KDM3A: variants seen among roughly 807,000 people sequenced by gnomAD.
KDM3A encodes the protein lysine demethylase 3A, also known as lysine-specific demethylase 3A.
In KDM3A, 60 loss-of-function variants were observed where a neutral mutation model predicts 158.0. The observed-to-expected ratio is 0.38, with a 90% CI of 0.31 to 0.47. The LOEUF (loss-of-function observed/expected upper bound fraction) is 0.47, where lower values mean the gene tolerates loss of function less well. KDM3A is among the 20% of genes least tolerant of loss of function. KDM3A has a pLI of 0.99. For missense variants in KDM3A, 1,319 were observed against 1,574.3 expected, an observed-to-expected ratio of 0.84 and a Z score of 2.74; for synonymous variants, 608 against 549.3, an observed-to-expected ratio of 1.11 and a Z score of -1.49.
intron 4 of KDM3A, among the ~76,000 whole-genome samples, chr2:86,453,694 CAAA>C (rs1672566220): frequency 6.6e-6 from 1 of 152,012 alleles, no homozygotes; most frequent in South Asian, 2.1e-4. Flanking sequence ...GAGAAAAAAA[CAAA>C]AACTAACCCA....
At chr2:86,443,085 A>T (rs1682806159) in intron 2 of KDM3A, 1 of 152,204 alleles carries the variant, frequency 6.6e-6, no homozygotes, top group South Asian at 2.1e-4. Flanking sequence ...AAGCCATTGT[A>T]CCAACAAAGA....
At chr2:86,454,104 A>G (rs1482353672) in intron 4 of KDM3A, among the ~76,000 whole-genome samples, 3 of 152,220 alleles carry the variant, frequency 2.0e-5, no homozygotes, top group African/African-American at 7.2e-5. Flanking sequence ...TAGGCTATTC[A>G]TTCAGATTTT....
At chr2:86,455,273 G>T in intron 5 of KDM3A, 86 bp downstream of exon 5, 4 of 755,420 alleles carry the variant, frequency 5.3e-6, no homozygotes, top group Non-Finnish European at 8.7e-6. Flanking sequence ...TCATTCATTT[G>T]CTCATGGAAA....
In KDM3A at chr2:86,442,222, A is replaced by C; in HGVS notation, c.175A>C (p.Lys59Gln). The C allele has an allele frequency of 1.2e-6, 2 of 1,608,126 alleles. No individual in the cohort carries two copies. The highest frequency in any genetic ancestry group is 1.7e-6 in the Non-Finnish European group (2 of 1,176,336). ...TGTTTCCCACACCGACGTTACCAAG[A>C]AGGATCTGAAGGTACAGGCGGCTCC... is the stretch of plus-strand genomic sequence containing the variant. Reference protein sequence around the residue: ...RAVSHTDVTKKDLKVCVEFDG... With the variant: ...RAVSHTDVTKQDLKVCVEFDG... The change falls in exon 2 of 26, where the codon AAG becomes CAG. Residue 59 changes from lysine (K) to glutamine (Q), a missense_variant. Physicochemically the swap from Lys to Gln is moderately conservative, Grantham distance 53. Coordinates refer to ENST00000312912, the MANE Select transcript of KDM3A (RefSeq NM_018433.6).
At chr2:86,443,560 T>A (rs547246182) in intron 2 of KDM3A, 1 of 152,346 alleles carries the variant, frequency 6.6e-6, no homozygotes, top group South Asian at 2.1e-4. Flanking sequence ...GCCCCCATTT[T>A]ATGGATGAAA....
chr2:86,461,670 G>A (rs1672936620), intron 8 of KDM3A, among the ~76,000 whole-genome samples: 1 of 152,160 alleles, frequency 6.6e-6, no homozygotes, highest in African/African-American at 2.4e-5. Flanking sequence ...AAAGAGTAAG[G>A]GACGGCTTTT....
intron 15 of KDM3A, chr2:86,479,922 G>T: frequency 1.9e-6 from 1 of 515,122 alleles, no homozygotes; most frequent in South Asian, 2.3e-5. Context: ...TACCAGCAGG[G>T]GCTGGTGAAA....
intron 4 of KDM3A, among the ~76,000 whole-genome samples, chr2:86,453,151 GT>G (rs113795069): frequency 0.13 from 20,155 of 152,168 alleles, 1,455 homozygotes; most frequent in Middle Eastern, 0.16. Flanking sequence ...AAATTAGTAA[GT>G]TTATATTTGT....
At chr2:86,448,740 G>A (rs1683050032) in intron 2 of KDM3A, among the ~76,000 whole-genome samples, 1 of 152,144 alleles carries the variant, frequency 6.6e-6, no homozygotes, top group African/African-American at 2.4e-5. Context: ...GATGATAGAT[G>A]TATTAACTAA....
In KDM3A at chr2:86,470,211, C is replaced by G; in HGVS notation, c.1527C>G (p.Ser509=). Reference sequence around the variant, plus strand: ...AATCTTTTGTTTTCCTAGCCCCATCCAGGAAGTCGGTTTTGACAGACCCAG... The same window carrying G: ...AATCTTTTGTTTTCCTAGCCCCATCGAGGAAGTCGGTTTTGACAGACCCAG... The part of the protein sequence containing the change: ...RSNNKIQNAP[S]RKSVLTDPAK... Residue 509 remains serine (S), a synonymous_variant, in exon 11 of 26, where the codon TCC becomes TCG. Coordinates refer to ENST00000312912, the MANE Select transcript of KDM3A (RefSeq NM_018433.6). 2 of 1,613,912 alleles carry G rather than the reference C, an allele frequency of 1.2e-6. No individual in the cohort carries two copies. Among genetic ancestry groups the G allele is most frequent in the Non-Finnish European group, 1.7e-6 (2 of 1,179,916 alleles).
chr2:86,455,953 CAAAAAA>C (rs574299612), intron 5 of KDM3A, among the ~76,000 whole-genome samples: 3 of 56,192 alleles, frequency 5.3e-5, no homozygotes, highest in African/African-American at 2.0e-4. Context: ...GACCCTGTCT[CAAAAAA>C]AAAAAAAAAA....
At chr2:86,466,947 C>G in intron 10 of KDM3A, 64 bp downstream of exon 10, 1 of 1,277,820 alleles carries the variant, frequency 7.8e-7, no homozygotes, top group Non-Finnish European at 1.1e-6. Context: ...ATATCTCTTT[C>G]TTGTCCTATG....
intron 4 of KDM3A, among the ~76,000 whole-genome samples, chr2:86,453,044 T>C (rs997132708): frequency 6.6e-6 from 1 of 152,196 alleles, no homozygotes; most frequent in Non-Finnish European, 1.5e-5. Context: ...TTTTTATTCT[T>C]AGTGCTGTTT....
chr2:86,474,613 G>A (rs567133463), intron 11 of KDM3A, among the ~76,000 whole-genome samples, 163 bp from the exon 12 acceptor site: 1 of 150,434 alleles, frequency 6.6e-6, no homozygotes, highest in Non-Finnish European at 1.5e-5. Context: ...GCAGTGAGCC[G>A]AGATGGCACC....
At chr2:86,466,925 T>C (rs1673180227) in intron 10 of KDM3A, 42 bp downstream of exon 10, 2 of 1,422,572 alleles carry the variant, frequency 1.4e-6, no homozygotes, top group African/African-American at 1.4e-5. Flanking sequence ...AGGTAAGAAA[T>C]GGTAGATATA....
chr2:86,492,598 A>C lies in KDM3A; in HGVS notation c.*479A>C, dbSNP rs1026622694. 1 of 153,246 alleles carries C rather than the reference A, an allele frequency of 6.5e-6. No individual in the cohort carries two copies. The highest frequency in any genetic ancestry group is 2.4e-5 in the African/African-American group (1 of 41,478). The allele number at this position is 153,246 out of a possible 1,614,324, so 9.5% of individuals were successfully genotyped here. ...CATAGGACTGGCATTATATAGCAGAAATCAACTACTGTACAATTTCTTGGG... is the reference window on the plus strand; with the variant it reads ...CATAGGACTGGCATTATATAGCAGACATCAACTACTGTACAATTTCTTGGG... On this transcript the variant is annotated 3_prime_UTR_variant, in exon 26 of 26. Coordinates refer to ENST00000312912, the MANE Select transcript of KDM3A (RefSeq NM_018433.6).
chr2:86,464,483 GTCT>G (rs1673054061), intron 9 of KDM3A, among the ~76,000 whole-genome samples: 1 of 152,200 alleles, frequency 6.6e-6, no homozygotes, highest in African/African-American at 2.4e-5. Flanking sequence ...TAAAACAGGT[GTCT>G]TCTTTTAAGG....
intron 1 of KDM3A, 111 bp downstream of exon 1, chr2:86,441,555 CG>C (rs1459908081): frequency 6.6e-6 from 1 of 151,000 alleles, no homozygotes; most frequent in Non-Finnish European, 1.5e-5. Context: ...GACGGGCGCC[CG>C]GGGTTCGGGG....
Position 86,491,071 on chromosome 2 carries a change from C to A in KDM3A, c.3750+14C>A. ...GCTCCACATCAGGCAAGAATCATTA[C>A]TTTTTCTTTAATCTCTTTATGTCAT... is the stretch of plus-strand genomic sequence containing the variant. On this transcript the variant is annotated intron_variant, in intron 24 of 25. Transcript: ENST00000312912. 1.9e-6 allele frequency: 3 copies of A among 1,612,886 alleles called. No individual in the cohort carries two copies. The South Asian group carries it at 3.3e-5, about 18-fold the overall frequency.
Sources: allele counts gnomAD v4.1 joint callset (sites outside exome capture counted in the v4.1 genomes callset), GRCh38; gene constraint gnomAD v4.1.1; transcripts MANE v1.5; gene names NCBI Gene and HGNC (gene_info 2026-07-23, HGNC 2026-07-21).